AOAH: variants seen among roughly 807,000 people sequenced by gnomAD.
The protein encoded by AOAH is acyloxyacyl hydrolase, also known as acyloxyacyl hydrolase (neutrophil).
AOAH carries 64 observed loss-of-function variants against 92.2 expected under a neutral mutation model. That is an observed-to-expected ratio of 0.69 (90% CI 0.57 to 0.86). AOAH has a LOEUF of 0.86. Ranked by LOEUF, AOAH falls within the 40% of genes least tolerant of loss-of-function variation. The pLI is 0.00. For missense variants in AOAH, 656 were observed against 694.6 expected (o/e 0.94, Z 0.62); for synonymous variants, 263 against 254.5 (o/e 1.03, Z -0.32).
intron 12 of AOAH, among the ~76,000 whole-genome samples, chr7:36,591,708 G>A (rs1239995236): frequency 1.3e-5 from 2 of 152,170 alleles, no homozygotes; most frequent in African/African-American, 4.8e-5. Flanking sequence ...GGACAGAACA[G>A]ATGCAGAAAG....
At chr7:36,700,808 A>C (rs2116887828) in intron 1 of AOAH, among the ~76,000 whole-genome samples, 1 of 152,210 alleles carries the variant, frequency 6.6e-6, no homozygotes, top group Non-Finnish European at 1.5e-5. Context: ...CCAACAGTGT[A>C]TAAGCCTTCC....
chr7:36,609,439 T>G (rs116329314), intron 11 of AOAH, among the ~76,000 whole-genome samples: 35 of 152,296 alleles, frequency 2.3e-4, no homozygotes, highest in African/African-American at 8.2e-4. Context: ...CTTTGAGATC[T>G]GCCTCCCATG....
At chr7:36,535,645 G>C (rs1273862507) in intron 16 of AOAH, among the ~76,000 whole-genome samples, 2 of 152,156 alleles carry the variant, frequency 1.3e-5, no homozygotes, top group African/African-American at 4.8e-5. Flanking sequence ...CCTTGGGATG[G>C]CCCCTGAATG....
At chr7:36,513,511 G>T in intron 20 of AOAH, 131 bp from the exon 21 acceptor site, 1 of 840,940 alleles carries the variant, frequency 1.2e-6, no homozygotes, top group Non-Finnish European at 1.8e-6. Flanking sequence ...CCATGTCTCT[G>T]TATAACCTCC....
chr7:36,517,983 A>T (rs1389320604), intron 20 of AOAH, among the ~76,000 whole-genome samples: 5 of 150,644 alleles, frequency 3.3e-5, no homozygotes, highest in Non-Finnish European at 5.9e-5. Flanking sequence ...ACACACACAC[A>T]CTGGATTCCT....
chr7:36,721,617 G>A lies in AOAH; in HGVS notation c.127+2405C>T, dbSNP rs138188777. 1.2e-3 allele frequency among the ~76,000 whole-genome samples: 187 copies of A among 152,302 alleles called. 1 individual carries two copies. The highest frequency in any genetic ancestry group is 3.4e-3 in the Middle Eastern group (1 of 294). ...TAAGTCACCCAGGCAGAGTTAACCA[G>A]AAGAAGTTGGGAGTTGCTGGGAAAA... On this transcript the variant is annotated intron_variant, in intron 1 of 20. Coordinates refer to ENST00000617537, the MANE Select transcript of AOAH (RefSeq NM_001637.4).
chr7:36,537,515 T>G lies in AOAH; in HGVS notation c.1306+2804A>C, dbSNP rs574576311. On this transcript the variant is annotated intron_variant, in intron 16 of 20. Transcript: ENST00000617537. ...TAGTTGCACCCCTCTTGTTTTTTTT[T>G]TTTTTTTGTTTGTTTGTTTTGAGAC... Among the ~76,000 whole-genome samples the G allele has an allele frequency of 1.2e-3, 182 of 150,038 alleles. 1 individual carries two copies. Among genetic ancestry groups the G allele is most frequent in the African/African-American group, 4.2e-3 (173 of 40,806 alleles).
chr7:36,621,596 G>A (rs1361917733), intron 8 of AOAH, 114 bp downstream of exon 8: 2 of 1,009,464 alleles, frequency 2.0e-6, no homozygotes, highest in Admixed American at 3.6e-5. Flanking sequence ...ATCGGAACAT[G>A]AAAATCTCTT....
intron 13 of AOAH, among the ~76,000 whole-genome samples, chr7:36,561,434 G>C (rs762913372): frequency 6.6e-6 from 1 of 152,146 alleles, no homozygotes; most frequent in East Asian, 1.9e-4. Context: ...ATTCAGGGAA[G>C]GTGCCAGATT....
At chr7:36,616,036 G>C (rs115126801) in intron 11 of AOAH, among the ~76,000 whole-genome samples, 56 of 152,308 alleles carry the variant, frequency 3.7e-4, no homozygotes, top group African/African-American at 1.3e-3. Flanking sequence ...TGCTTGCTCA[G>C]ACGAAAAACA....
intron 13 of AOAH, among the ~76,000 whole-genome samples, chr7:36,570,633 T>A (rs567455698): frequency 4.5e-4 from 68 of 152,346 alleles, no homozygotes; most frequent in Middle Eastern, 3.4e-3. Flanking sequence ...GCACAAAGGT[T>A]CCAGTTTCTC....
At chr7:36,599,953 C>T (rs1031236892) in intron 11 of AOAH, 2 of 152,590 alleles carry the variant, frequency 1.3e-5, no homozygotes, top group African/African-American at 4.8e-5. Flanking sequence ...ATGCAACTTT[C>T]AGAGCCTTCC....
intron 11 of AOAH, among the ~76,000 whole-genome samples, chr7:36,606,540 G>GTAT (rs1290089546): frequency 2.0e-5 from 3 of 152,156 alleles, no homozygotes; most frequent in Admixed American, 6.5e-5. Context: ...TTGGGAAATT[G>GTAT]TATTTCAGAA....
chr7:36,539,472 A>G (rs549148972), intron 16 of AOAH, among the ~76,000 whole-genome samples: 7 of 152,158 alleles, frequency 4.6e-5, no homozygotes, highest in Non-Finnish European at 8.8e-5. Flanking sequence ...CTTCTGATAT[A>G]CTTTTGGGTC....
chr7:36,714,411 A>G (rs901338812), intron 1 of AOAH, among the ~76,000 whole-genome samples: 6 of 152,184 alleles, frequency 3.9e-5, no homozygotes, highest in African/African-American at 1.2e-4. Flanking sequence ...AGGAGGAACT[A>G]GTACCATTCC....
intron 13 of AOAH, among the ~76,000 whole-genome samples, chr7:36,574,027 A>G (rs568563343): frequency 3.9e-4 from 60 of 152,356 alleles, no homozygotes; most frequent in African/African-American, 1.4e-3. Context: ...TAGTCAGGTT[A>G]CATTGCTGCG....
At chr7:36,625,485 A>G (rs1792589888) in intron 6 of AOAH, among the ~76,000 whole-genome samples, 1 of 152,190 alleles carries the variant, frequency 6.6e-6, no homozygotes. Context: ...TGGTCCTCAC[A>G]AAGTGCTTGC....
chr7:36,650,557 G>A (rs886245358), intron 4 of AOAH, among the ~76,000 whole-genome samples: 2 of 152,310 alleles, frequency 1.3e-5, no homozygotes, highest in East Asian at 3.9e-4. Flanking sequence ...CGTCAAAAGC[G>A]TTATGCAAAT....
intron 11 of AOAH, chr7:36,594,765 C>A: frequency 2.9e-6 from 1 of 341,132 alleles, no homozygotes; most frequent in Non-Finnish European, 5.6e-6. Context: ...CAGTTTAGGC[C>A]ATCAGAAAGT....
Sources: allele counts gnomAD v4.1 joint callset (sites outside exome capture counted in the v4.1 genomes callset), GRCh38; gene constraint gnomAD v4.1.1; transcripts MANE v1.5; gene names NCBI Gene and HGNC (gene_info 2026-07-23, HGNC 2026-07-21).